The following SELENOP variants were observed in gnomAD, a reference collection of about 807,000 sequenced individuals.
SELENOP encodes selenoprotein P, also known as selenoprotein P, plasma, 1.
Under a neutral mutation model 41.0 loss-of-function variants are expected in SELENOP, and 36 were observed. That is an observed-to-expected ratio of 0.88 (90% CI 0.67 to 1.16). The LOEUF is 1.16. Among genes scored for constraint, SELENOP ranks in the 50% most tolerant of loss-of-function variants. The probability of loss-of-function intolerance (pLI) is 0.00; values close to 1 mark genes in which losing one functional copy is unlikely to be tolerated. For synonymous variants in SELENOP, 144 were observed against 150.8 expected (o/e 0.95, Z 0.33); for missense variants, 440 against 454.2 (o/e 0.97, Z 0.28).
Position 42,800,467 on chromosome 5 carries a change from C to T in SELENOP, c.*253G>A, listed in dbSNP as rs547100076. 1.5e-5 allele frequency: 6 copies of T among 391,770 alleles called. No individual in the cohort carries two copies. The South Asian group carries it at 2.8e-4, about 18-fold the overall frequency. The allele number at this position is 391,770 out of a possible 1,614,324, so 24.3% of individuals were successfully genotyped here. On this transcript the variant is annotated 3_prime_UTR_variant, in exon 5 of 5. Coordinates refer to ENST00000514985, the MANE Select transcript of SELENOP (RefSeq NM_005410.4). Reference sequence around the variant, plus strand: ...TATTCTCATTAAAGCAAATAGAACACTGGAAAAAGAAAAAAAAAGACATAT... The same window carrying T: ...TATTCTCATTAAAGCAAATAGAACATTGGAAAAAGAAAAAAAAAGACATAT...
In SELENOP at chr5:42,800,027, ATACT is replaced by A. The variant is rs10569610; in HGVS notation, c.*689_*692del. 0.031 allele frequency: 13,025 copies of A among 417,728 alleles called. 680 individuals are homozygous for A. Among genetic ancestry groups the A allele is most frequent in the South Asian group, 0.15 (4,121 of 27,736 alleles). 25.9% of individuals were successfully genotyped at this position (417,728 alleles called of 1,614,324 possible). A position where few individuals can be genotyped will look rare whatever the true frequency, so the allele number is the denominator to read the frequency against. ...TATTAAACCATCATTGACTATGGAAATACTTACTAAGCAATATAGAGACAGACAA... is the reference window on the plus strand; with the variant it reads ...TATTAAACCATCATTGACTATGGAAATACTAAGCAATATAGAGACAGACAA... On this transcript the variant is annotated 3_prime_UTR_variant, in exon 5 of 5. Coordinates refer to ENST00000514985, the MANE Select transcript of SELENOP (RefSeq NM_005410.4).
chr5:42,807,085 A>G lies in SELENOP; in HGVS notation c.227T>C (p.Leu76Pro), dbSNP rs1235477049. 1 of 1,517,260 alleles carries G rather than the reference A, an allele frequency of 6.6e-7. No individual in the cohort carries two copies. The highest frequency in any genetic ancestry group is 9.1e-7 in the Non-Finnish European group (1 of 1,099,896). 94.0% of individuals were successfully genotyped at this position (1,517,260 alleles called of 1,614,324 possible). The change falls in exon 3 of 5, where the codon CTG (leucine) becomes CCG (proline). Residue 76 changes from leucine (L) to proline (P), a missense_variant. Transcript: ENST00000514985. ...AATATTAGAATATCCTTCTTTCTTC[A>G]GTTTTACTCGCAGGTCTTCTAATCT... is the stretch of plus-strand genomic sequence containing the variant. ...ASKLEDLRVKLKKEGYSNISY... is the reference protein window; with the variant it reads ...ASKLEDLRVKPKKEGYSNISY...
intron 1 of SELENOP, chr5:42,809,704 A>G: frequency 1.5e-5 from 9 of 580,756 alleles, no homozygotes; most frequent in Non-Finnish European, 2.0e-5. Flanking sequence ...GTAGATATAG[A>G]TAGAATTTTT....
chr5:42,800,748 G>A lies in SELENOP; in HGVS notation c.1118C>T (p.Ala373Val), dbSNP rs1245571799. 5.2e-5 allele frequency: 84 copies of A among 1,601,832 alleles called. No individual in the cohort carries two copies. The highest frequency in any genetic ancestry group is 7.1e-5 in the Non-Finnish European group (83 of 1,173,670). ...GTTTGAAGGTCATTCTCACTTTTTT[G>A]CCTGATTCTTTCAGCGTCAACTGGC... ...ASASURUKNQ[A>V]KKUEUPSN Residue 373 changes from alanine (A) to valine (V), a missense_variant, in exon 5 of 5, where the codon GCA (alanine) becomes GTA (valine). Ala to Val is a moderately conservative substitution (Grantham distance 64). Coordinates refer to ENST00000514985, the MANE Select transcript of SELENOP (RefSeq NM_005410.4).
At chr5:42,801,475 T>C in intron 4 of SELENOP, 144 bp from the exon 5 acceptor site, 1 of 617,202 alleles carries the variant, frequency 1.6e-6, no homozygotes. Flanking sequence ...TGAGAAAGAG[T>C]CTGATGTTAG....
At chr5:42,810,768 AT>A in intron 1 of SELENOP, 1 of 1,106,262 alleles carries the variant, frequency 9.0e-7, no homozygotes, top group South Asian at 2.2e-5. Flanking sequence ...CAGAGCACAT[AT>A]TGCAAGTAGC....
intron 1 of SELENOP, among the ~76,000 whole-genome samples, chr5:42,810,239 A>G (rs1387449998): frequency 6.6e-6 from 1 of 152,230 alleles, no homozygotes; most frequent in Non-Finnish European, 1.5e-5. Flanking sequence ...GAGTTTTTAG[A>G]TAGATCACCT....
chr5:42,809,942 G>C lies in SELENOP; in HGVS notation c.-13-1576C>G, dbSNP rs1178615127. ...GGACTGTTTCTAGAAAATTCCTCTA[G>C]AATGGTATTTACAATGATAATACAA... On this transcript the variant is annotated intron_variant, in intron 1 of 4. Transcript: ENST00000514985. Among the ~76,000 whole-genome samples the C allele has an allele frequency of 2.0e-5, 3 of 152,186 alleles. No individual in the cohort carries two copies. In the East Asian group the frequency reaches 5.8e-4, roughly 29 times the overall value.
rs144153082 is a variant in SELENOP, at chr5:42,806,514, A to G, written c.416+382T>C. 7.4e-4 allele frequency: 121 copies of G among 163,742 alleles called. 3 individuals carry two copies. The highest frequency in any genetic ancestry group is 2.8e-3 in the African/African-American group (118 of 41,872). 10.1% of individuals were successfully genotyped at this position (163,742 alleles called of 1,614,324 possible). On this transcript the variant is annotated intron_variant, in intron 3 of 4. Coordinates refer to ENST00000514985, the MANE Select transcript of SELENOP (RefSeq NM_005410.4). Reference sequence around the variant, plus strand: ...AAGGGATAGATGAGATTGCTCAGGTAAAATGTGCAGAGTGTGAATAGGCAG... The same window carrying G: ...AAGGGATAGATGAGATTGCTCAGGTGAAATGTGCAGAGTGTGAATAGGCAG...
At chr5:42,809,064 G>C (rs185755189) in intron 1 of SELENOP, among the ~76,000 whole-genome samples, 1 of 152,028 alleles carries the variant, frequency 6.6e-6, no homozygotes, top group Non-Finnish European at 1.5e-5. Flanking sequence ...GGCTCATGTC[G>C]GGCCCTTAGC....
chr5:42,801,638 C>G (rs1055330997), intron 4 of SELENOP: 8 of 379,152 alleles, frequency 2.1e-5, no homozygotes, highest in Non-Finnish European at 3.7e-5. Flanking sequence ...TGATCTGGGC[C>G]GAGCATGGTG....
chr5:42,801,018 T>C lies in SELENOP; in HGVS notation c.848A>G (p.Asn283Ser), dbSNP rs1449323933. 5 of 1,614,086 alleles carry C rather than the reference T, an allele frequency of 3.1e-6. No homozygotes were observed. Among genetic ancestry groups the C allele is most frequent in the Non-Finnish European group, 4.2e-6 (5 of 1,180,018 alleles). ...TGTGGGCAATTTACAGAGTAATTGA[T>C]TTATACATCTCTTTCGACAGAGCTT... ...QKKLCRKRCINQLLCKLPTDS... is the reference protein window; with the variant it reads ...QKKLCRKRCISQLLCKLPTDS... Residue 283 changes from asparagine to serine, a missense_variant, in exon 5 of 5, where the codon AAT becomes AGT. Transcript: ENST00000514985.
chr5:42,810,028 A>T (rs894798735), intron 1 of SELENOP, among the ~76,000 whole-genome samples: 1 of 152,200 alleles, frequency 6.6e-6, no homozygotes, highest in Non-Finnish European at 1.5e-5. Flanking sequence ...GGTGGCACTA[A>T]GCACTTTTAT....
In SELENOP at chr5:42,800,893, G is replaced by A; in HGVS notation, c.973C>T (p.Pro325Ser). The A allele has an allele frequency of 6.2e-7, 1 of 1,614,132 alleles. No homozygotes were observed. The highest frequency in any genetic ancestry group is 8.5e-7 in the Non-Finnish European group (1 of 1,180,016). The change falls in exon 5 of 5, where the codon CCA becomes TCA. Residue 325 changes from proline (P) to serine (S), a missense_variant. Coordinates refer to ENST00000514985, the MANE Select transcript of SELENOP (RefSeq NM_005410.4). ...AGTCCCTGTCAGCTACATAAAGATG[G>A]GAGGTTTTCTTTACACTGTCAGGTG... is the stretch of plus-strand genomic sequence containing the variant. ...AITUQCKENLPSLCSUQGLRA... is the reference protein window; with the variant it reads ...AITUQCKENLSSLCSUQGLRA...
In SELENOP at chr5:42,800,726, T is replaced by C. The variant is rs1366564317; in HGVS notation, c.1140A>G (p.Ser380=). ...KNQAKKUEUP[S]N The stretch of plus-strand genomic sequence containing the variant: ...TATGTCCTATTTTAAATATTTAGTT[T>C]GAAGGTCATTCTCACTTTTTTGCCT... The change falls in exon 5 of 5, where the codon TCA becomes TCG. Residue 380 remains serine (S), a synonymous_variant. Transcript: ENST00000514985. 1 of 1,601,662 alleles carries C rather than the reference T, an allele frequency of 6.2e-7. No individual in the cohort carries two copies. The highest frequency in any genetic ancestry group is 1.3e-5 in the African/African-American group (1 of 74,634).
intron 1 of SELENOP, among the ~76,000 whole-genome samples, chr5:42,811,581 T>A (rs1251382804): frequency 6.6e-6 from 1 of 152,244 alleles, no homozygotes; most frequent in Non-Finnish European, 1.5e-5. Flanking sequence ...TTTGGATTTC[T>A]CCAGCTTCCT....
Position 42,804,676 on chromosome 5 carries a change from A to G in SELENOP, c.514T>C (p.Cys172Arg). 1.3e-6 allele frequency: 2 copies of G among 1,589,740 alleles called. No homozygotes were observed. Among genetic ancestry groups the G allele is most frequent in the Middle Eastern group, 1.7e-4 (1 of 5,996 alleles). The change falls in exon 4 of 5, where the codon TGT becomes CGT. Residue 172 changes from cysteine (C) to arginine (R), a missense_variant. Transcript: ENST00000514985. ...AIKIAYCEKK[C>R]GNCSLTTLKD... ...AATACCGTGAGAGAGCAGTTTCCAC[A>G]TTTCTTTTCACAGTAAGCAATCTTA...
Position 42,801,024 on chromosome 5 carries a change from C to T in SELENOP, c.842G>A (p.Cys281Tyr). The T allele has an allele frequency of 1.2e-6, 2 of 1,614,036 alleles. No individual in the cohort carries two copies. Among genetic ancestry groups the T allele is most frequent in the African/African-American group, 2.7e-5 (2 of 75,050 alleles). The change falls in exon 5 of 5, where the codon TGT (cysteine) becomes TAT (tyrosine). Residue 281 changes from cysteine to tyrosine, a missense_variant. Transcript: ENST00000514985. ...CAATTTACAGAGTAATTGATTTATACATCTCTTTCGACAGAGCTTCTTTTG... is the reference window on the plus strand; with the variant it reads ...CAATTTACAGAGTAATTGATTTATATATCTCTTTCGACAGAGCTTCTTTTG... ...DLQKKLCRKR[C>Y]INQLLCKLPT... is the part of the protein sequence containing the mutation.
intron 4 of SELENOP, among the ~76,000 whole-genome samples, chr5:42,804,370 A>G (rs2111633924): frequency 6.6e-6 from 1 of 152,304 alleles, no homozygotes; most frequent in South Asian, 2.1e-4. Context: ...CTGAGGCAGG[A>G]GAATGGCGTG....
Sources: gnomAD v4.1 joint callset for allele counts (sites outside exome capture counted in the v4.1 genomes callset) on GRCh38, gnomAD v4.1.1 for gene constraint, MANE v1.5 for transcripts, NCBI Gene and HGNC (gene_info 2026-07-23, HGNC 2026-07-21) for gene names.